TSHZ2: variants seen among roughly 807,000 people sequenced by gnomAD.
The protein encoded by TSHZ2 is teashirt zinc finger homeobox 2.
Under a neutral mutation model 74.4 loss-of-function variants are expected in TSHZ2, and 21 were observed. That is an observed-to-expected ratio of 0.28 (90% CI 0.20 to 0.41). The LOEUF (loss-of-function observed/expected upper bound fraction) is 0.41. Ranked by LOEUF, TSHZ2 falls within the 10% of genes least tolerant of loss-of-function variation. The pLI is 1.00. For synonymous variants in TSHZ2, 540 were observed against 515.3 expected (o/e 1.05, Z -0.65); for missense variants, 1,244 against 1,293.5 (o/e 0.96, Z 0.59).
intron 1 of TSHZ2, among the ~76,000 whole-genome samples, chr20:53,060,054 G>A (rs915039949): frequency 1.1e-4 from 17 of 152,260 alleles, no homozygotes; most frequent in Admixed American, 5.9e-4. Context: ...GAGCTATGTC[G>A]AAATGTAGAT....
intron 2 of TSHZ2, among the ~76,000 whole-genome samples, chr20:53,335,250 C>T (rs754232730): frequency 1.3e-5 from 2 of 152,338 alleles, no homozygotes; most frequent in Admixed American, 6.5e-5. Context: ...CAAATCAAGC[C>T]TTGAGTTGGT....
chr20:53,274,811 C>T (rs946158974), intron 2 of TSHZ2, among the ~76,000 whole-genome samples: 13 of 148,686 alleles, frequency 8.7e-5, no homozygotes, highest in African/African-American at 3.2e-4. Flanking sequence ...TTTTCTCTAT[C>T]TCTATCACTG....
chr20:52,987,302 A>C (rs746649665), intron 1 of TSHZ2, among the ~76,000 whole-genome samples: 2 of 152,216 alleles, frequency 1.3e-5, no homozygotes, highest in African/African-American at 2.4e-5. Context: ...TTCCAGACCT[A>C]CAGCCTAGAG....
chr20:53,041,078 C>T (rs547684012), intron 1 of TSHZ2, among the ~76,000 whole-genome samples: 82 of 152,292 alleles, frequency 5.4e-4, no homozygotes, highest in African/African-American at 1.8e-3. Flanking sequence ...TCCTTGTGCA[C>T]TAATTACCAG....
At chr20:53,111,411 T>G (rs1219483191) in intron 1 of TSHZ2, among the ~76,000 whole-genome samples, 1 of 152,182 alleles carries the variant, frequency 6.6e-6, no homozygotes, top group Non-Finnish European at 1.5e-5. Flanking sequence ...TTCTTGGTCA[T>G]GAAAGGGGCT....
chr20:52,995,946 C>T (rs1982170815), intron 1 of TSHZ2, among the ~76,000 whole-genome samples: 3 of 152,154 alleles, frequency 2.0e-5, no homozygotes, highest in Non-Finnish European at 1.5e-5. Flanking sequence ...TCTATCTGAT[C>T]GTAGACAAGT....
At chr20:53,198,924 A>C (rs1196727311) in intron 1 of TSHZ2, among the ~76,000 whole-genome samples, 2 of 152,164 alleles carry the variant, frequency 1.3e-5, no homozygotes, top group Non-Finnish European at 2.9e-5. Context: ...TCTCTGTCCT[A>C]ATCCTAATCC....
Position 52,986,401 on chromosome 20 carries a change from C to CAA in TSHZ2, c.40+13084_40+13085dup, listed in dbSNP as rs34991984. On this transcript the variant is annotated intron_variant, in intron 1 of 2. Coordinates refer to ENST00000371497, the MANE Select transcript of TSHZ2 (RefSeq NM_173485.6). ...CCTGGGCAATGGAGCAAGAATCCAT[C>CAA]AAAAAAAAAAAAAAAAAGAAAGAAA... Among the ~76,000 whole-genome samples the CAA allele has an allele frequency of 3.2e-3, 391 of 120,758 alleles. 1 individual carries two copies. The highest frequency in any genetic ancestry group is 0.013 in the East Asian group (46 of 3,574). The allele number at this position is 120,758 out of a possible 152,430, so 79.2% of individuals were successfully genotyped here.
chr20:53,184,313 T>C (rs1309438195), intron 1 of TSHZ2, among the ~76,000 whole-genome samples: 3 of 152,228 alleles, frequency 2.0e-5, no homozygotes, highest in Non-Finnish European at 4.4e-5. Flanking sequence ...TGTACCATGT[T>C]TCTGGGAATG....
chr20:53,262,643 A>T (rs1432643190), intron 2 of TSHZ2, among the ~76,000 whole-genome samples: 1 of 152,248 alleles, frequency 6.6e-6, no homozygotes, highest in African/African-American at 2.4e-5. Flanking sequence ...ATTTTAAATC[A>T]GTCATGATGC....
rs796916906 is a variant in TSHZ2, at chr20:53,224,855, A to AG, written c.41-28644_41-28643insG. On this transcript the variant is annotated intron_variant, in intron 1 of 2. Transcript: ENST00000371497. The stretch of plus-strand genomic sequence containing the variant: ...ACAGAGCAAGACTCCATCTCAAAAA[A>AG]AAAAAAAAAAAAAAAGAACTTAATA... Among the ~76,000 whole-genome samples the AG allele has an allele frequency of 2.8e-3, 414 of 150,236 alleles. 1 individual carries two copies. The highest frequency in any genetic ancestry group is 6.9e-3 in the African/African-American group (281 of 40,946).
intron 1 of TSHZ2, among the ~76,000 whole-genome samples, chr20:52,985,485 G>C (rs911034682): frequency 3.9e-5 from 6 of 151,970 alleles, no homozygotes. Flanking sequence ...GGTAGAATGG[G>C]GATAATAAAA....
In TSHZ2 at chr20:53,460,599, G is replaced by A. The variant is rs1020785290; in HGVS notation, c.*9-26545G>A. On this transcript the variant is annotated intron_variant, in intron 2 of 2. Coordinates refer to ENST00000371497, the MANE Select transcript of TSHZ2 (RefSeq NM_173485.6). ...TGTTCCGTTGCTGGTGAGGAGCTGCGTTCCTTTGGAGGAGGAGAGGCGCTC... is the reference window on the plus strand; with the variant it reads ...TGTTCCGTTGCTGGTGAGGAGCTGCATTCCTTTGGAGGAGGAGAGGCGCTC... Among the ~76,000 whole-genome samples, 16 of 152,330 alleles carry A rather than the reference G, an allele frequency of 1.1e-4. 1 individual carries two copies. Among genetic ancestry groups the A allele is most frequent in the East Asian group, 7.7e-4 (4 of 5,184 alleles).
At chr20:53,037,600 A>G (rs921408482) in intron 1 of TSHZ2, among the ~76,000 whole-genome samples, 2 of 152,154 alleles carry the variant, frequency 1.3e-5, no homozygotes, top group Non-Finnish European at 2.9e-5. Flanking sequence ...ACCTATTTTT[A>G]CGGGTAAGTT....
chr20:52,998,416 G>A (rs1206559328), intron 1 of TSHZ2, among the ~76,000 whole-genome samples: 3 of 152,124 alleles, frequency 2.0e-5, no homozygotes, highest in East Asian at 1.9e-4. Flanking sequence ...TGATCCACCC[G>A]CCTTGGTTCC....
chr20:53,141,378 G>C (rs1260205226), intron 1 of TSHZ2, among the ~76,000 whole-genome samples: 1 of 152,200 alleles, frequency 6.6e-6, no homozygotes, highest in African/African-American at 2.4e-5. Context: ...CAGCTTGAGA[G>C]GCTCCGCATC....
At chr20:53,077,615 G>A (rs1437988757) in intron 1 of TSHZ2, among the ~76,000 whole-genome samples, 1 of 152,074 alleles carries the variant, frequency 6.6e-6, no homozygotes, top group Non-Finnish European at 1.5e-5. Context: ...CGACCCAGGA[G>A]GTTTAGGCAC....
intron 1 of TSHZ2, among the ~76,000 whole-genome samples, chr20:53,100,465 A>G (rs1320251932): frequency 6.6e-6 from 1 of 152,156 alleles, no homozygotes; most frequent in African/African-American, 2.4e-5. Flanking sequence ...TCAATAATGG[A>G]GTCACTTTAA....
chr20:53,306,987 T>C (rs1264424013), intron 2 of TSHZ2, among the ~76,000 whole-genome samples: 1 of 152,214 alleles, frequency 6.6e-6, no homozygotes. Flanking sequence ...GCTGTCAATT[T>C]ATACATAGAG....
Sources: allele counts gnomAD v4.1 joint callset (sites outside exome capture counted in the v4.1 genomes callset), GRCh38; gene constraint gnomAD v4.1.1; transcripts MANE v1.5; gene names NCBI Gene and HGNC (gene_info 2026-07-23, HGNC 2026-07-21).